CASK: variants seen among roughly 807,000 people sequenced by gnomAD.
CASK encodes peripheral plasma membrane protein CASK.
Under a neutral mutation model 82.9 loss-of-function variants are expected in CASK, and 4 were observed. That is an observed-to-expected ratio of 0.05 (90% CI 0.02 to 0.11). The LOEUF (loss-of-function observed/expected upper bound fraction) is 0.11. Among genes scored for constraint, CASK ranks in the 10% least tolerant of loss-of-function variants. The pLI, the probability that CASK is intolerant of heterozygous loss-of-function variation, is 1.00. For synonymous variants in CASK, 259 were observed against 253.5 expected (o/e 1.02, Z -0.20); for missense variants, 358 against 720.9 (o/e 0.50, Z 5.76).
At chrX:41,854,205 C>T (rs917546478) in intron 1 of CASK, among the ~76,000 whole-genome samples, 9 of 95,064 alleles carry the variant, frequency 9.5e-5, no homozygotes, top group East Asian at 6.7e-4. Flanking sequence ...AGGGAACATG[C>T]GCGCGCGCGC....
At position 41,828,166 on chromosome X, in the gene CASK, G is replaced by A. The variant is rs147139521; in HGVS notation, c.172+24949C>T. On this transcript the variant is annotated intron_variant, in intron 2 of 26. Coordinates refer to ENST00000378163, the MANE Select transcript of CASK (RefSeq NM_001367721.1). ...TGTACAGGACAGATTTGGAATGTCT[G>A]GCATGTCTGACTCCAACTCTTCTCA... 3.7e-3 allele frequency among the ~76,000 whole-genome samples: 409 copies of A among 111,789 alleles called. 3 individuals are homozygous for A. The highest frequency in any genetic ancestry group is 0.012 in the African/African-American group (358 of 30,783).
At chrX:41,731,324 G>A (rs767747742) in intron 5 of CASK, among the ~76,000 whole-genome samples, 1 of 112,102 alleles carries the variant, frequency 8.9e-6, no homozygotes, top group Non-Finnish European at 1.9e-5. Flanking sequence ...GGAGGCTGAG[G>A]TGGGAGGATC....
At chrX:41,622,852 A>C in intron 10 of CASK, among the ~76,000 whole-genome samples, 1 of 110,868 alleles carries the variant, frequency 9.0e-6, no homozygotes, top group African/African-American at 3.3e-5. Context: ...CTTGATTTGA[A>C]ATATGAGAAA....
intron 1 of CASK, among the ~76,000 whole-genome samples, chrX:41,896,589 G>C (rs992283744): frequency 8.9e-5 from 10 of 111,870 alleles, no homozygotes; most frequent in Admixed American, 1.9e-4. Flanking sequence ...TGATTCTATT[G>C]TAGATCAGAC....
chrX:41,568,838 A>C (rs891998991), intron 16 of CASK, among the ~76,000 whole-genome samples: 1 of 111,559 alleles, frequency 9.0e-6, no homozygotes, highest in African/African-American at 3.3e-5. Context: ...TCTCTACAAA[A>C]ATATCAAAAG....
chrX:41,790,375 AT>A (rs2069690098), intron 2 of CASK: 2 of 152,497 alleles, frequency 1.3e-5, no homozygotes, highest in Non-Finnish European at 2.4e-5. Flanking sequence ...TCTAAATTGT[AT>A]TTTTATCTCC....
intron 1 of CASK, among the ~76,000 whole-genome samples, chrX:41,900,739 CTTTTTTTTT>C (rs759671263): frequency 1.2e-4 from 6 of 50,162 alleles, no homozygotes; most frequent in African/African-American, 3.7e-4. Flanking sequence ...ATTTTGAAAT[CTTTTTTTTT>C]TTTTTTTTTT....
At chrX:41,901,379 G>C (rs2072377074) in intron 1 of CASK, among the ~76,000 whole-genome samples, 1 of 110,429 alleles carries the variant, frequency 9.1e-6, no homozygotes, top group Non-Finnish European at 1.9e-5. Flanking sequence ...TGAGGCAGTA[G>C]GATTGGCTGA....
At chrX:41,893,846 C>T (rs192294557) in intron 1 of CASK, among the ~76,000 whole-genome samples, 1 of 112,291 alleles carries the variant, frequency 8.9e-6, no homozygotes, top group Admixed American at 9.4e-5. Flanking sequence ...GCAAAGACAG[C>T]CTCTGTAGAA....
At chrX:41,672,916 G>C (rs777775144) in intron 5 of CASK, among the ~76,000 whole-genome samples, 2 of 112,452 alleles carry the variant, frequency 1.8e-5, no homozygotes, top group Admixed American at 9.4e-5. Context: ...CTGTTAGTTA[G>C]AACTTTCTGT....
At chrX:41,624,800 T>C (rs1218894505) in intron 10 of CASK, among the ~76,000 whole-genome samples, 1 of 111,523 alleles carries the variant, frequency 9.0e-6, no homozygotes, top group African/African-American at 3.3e-5. Flanking sequence ...AAAGAAGCAT[T>C]AGCACATTAA....
chrX:41,717,115 G>A (rs1163245495), intron 5 of CASK, among the ~76,000 whole-genome samples: 3 of 110,599 alleles, frequency 2.7e-5, no homozygotes, highest in Non-Finnish European at 5.7e-5. Flanking sequence ...CTTCAAATTA[G>A]CCAACCAAGA....
intron 8 of CASK, among the ~76,000 whole-genome samples, chrX:41,643,227 T>G (rs181199615): frequency 8.5e-4 from 95 of 111,948 alleles, no homozygotes; most frequent in African/African-American, 2.7e-3. Flanking sequence ...TTGTTCTTTT[T>G]GCTTAGGATT....
chrX:41,696,164 A>G, intron 5 of CASK: 1 of 1,206,958 alleles, frequency 8.3e-7, no homozygotes, highest in Admixed American at 2.2e-5. Flanking sequence ...TCTGTTGTAT[A>G]GTATGGATGC....
chrX:41,725,247 G>A (rs1225516245), intron 5 of CASK, among the ~76,000 whole-genome samples: 1 of 111,676 alleles, frequency 9.0e-6, no homozygotes, highest in Non-Finnish European at 1.9e-5. Context: ...AAGACTTTGG[G>A]TGTGGATTGG....
At chrX:41,740,463 T>G (rs912276170) in intron 4 of CASK, among the ~76,000 whole-genome samples, 1 of 103,973 alleles carries the variant, frequency 9.6e-6, no homozygotes, top group African/African-American at 3.5e-5. Context: ...TGTATGTGAC[T>G]CAGGACTAAA....
chrX:41,913,693 C>T (rs1315226105), intron 1 of CASK, among the ~76,000 whole-genome samples: 2 of 112,560 alleles, frequency 1.8e-5, no homozygotes, highest in African/African-American at 6.4e-5. Flanking sequence ...TTGAAACTTA[C>T]GTACATAACT....
rs2065655918 is a variant in CASK at position 41,586,137 on chromosome X, GA to G, written c.1314+769del. ...TGCACTCCACCCTGGGTGACAGGGT[GA>G]GACTCCATCTCAAAAGTAAATAAAT... On this transcript the variant is annotated intron_variant, in intron 14 of 26. Transcript: ENST00000378163. 4 of 112,163 alleles carry G rather than the reference GA, an allele frequency of 3.6e-5. No homozygotes were observed. The South Asian group carries it at 1.5e-3, about 41-fold the overall frequency. The allele number at this position is 112,163 out of a possible 1,213,427, so 9.2% of individuals were successfully genotyped here.
intron 5 of CASK, among the ~76,000 whole-genome samples, chrX:41,725,560 T>C (rs1302932452): frequency 8.9e-6 from 1 of 111,814 alleles, no homozygotes; most frequent in Admixed American, 9.5e-5. Context: ...ACATTCTGAA[T>C]AGAGATCATG....
Sources: allele counts gnomAD v4.1 joint callset (sites outside exome capture counted in the v4.1 genomes callset), GRCh38; gene constraint gnomAD v4.1.1; transcripts MANE v1.5; gene names NCBI Gene and HGNC (gene_info 2026-07-23, HGNC 2026-07-21).